Variants in ADAM2 observed in about 807,000 individuals in gnomAD.
The protein encoded by ADAM2 is ADAM metallopeptidase domain 2, also known as disintegrin and metalloproteinase domain-containing protein 2.
ADAM2 carries 101 observed loss-of-function variants against 99.3 expected under a neutral mutation model. The ratio of observed to expected loss-of-function variants is 1.02; its 90% CI spans 0.87 to 1.20. The LOEUF is 1.20. Ranked by LOEUF, ADAM2 falls within the 50% of genes most tolerant of loss-of-function variation. The probability of loss-of-function intolerance (pLI) is 0.00; values close to 1 mark genes in which losing one functional copy is unlikely to be tolerated. For synonymous variants in ADAM2, 323 were observed against 287.6 expected (o/e 1.12, Z -1.25); for missense variants, 948 against 878.7 (o/e 1.08, Z -1.00).
intron 16 of ADAM2, among the ~76,000 whole-genome samples, chr8:39,751,078 G>T (rs941142361): frequency 1.3e-5 from 2 of 152,090 alleles, no homozygotes; most frequent in Admixed American, 1.3e-4. Context: ...TATTGAGTAT[G>T]AAAAAATACA....
intron 10 of ADAM2, 92 bp downstream of exon 10, chr8:39,786,882 G>T: frequency 3.2e-6 from 3 of 943,576 alleles, no homozygotes; most frequent in Middle Eastern, 2.2e-4. Flanking sequence ...TTAGAACAAT[G>T]CAAATTTTAA....
At chr8:39,749,790 G>A in intron 16 of ADAM2, 46 bp from the exon 17 acceptor site, 2 of 1,490,528 alleles carry the variant, frequency 1.3e-6, no homozygotes, top group Non-Finnish European at 1.9e-6. Flanking sequence ...GCCATCTAGA[G>A]TTGCCATTTA....
chr8:39,811,430 GGCCAGCATCATCCTGATACCAA>G (rs1464686555), intron 6 of ADAM2, among the ~76,000 whole-genome samples: 1 of 152,124 alleles, frequency 6.6e-6, no homozygotes, highest in Non-Finnish European at 1.5e-5. Context: ...CATTTTATGA[GGCCAGCATCATCCTGATACCAA>G]AGCCTGGGGC....
At chr8:39,760,515 A>T (rs1802309229) in intron 15 of ADAM2, among the ~76,000 whole-genome samples, 1 of 152,012 alleles carries the variant, frequency 6.6e-6, no homozygotes, top group Non-Finnish European at 1.5e-5. Flanking sequence ...AGGTCAGGAG[A>T]TCAAGACCAT....
At chr8:39,804,406 C>T (rs1239382580) in intron 7 of ADAM2, among the ~76,000 whole-genome samples, 2 of 150,110 alleles carry the variant, frequency 1.3e-5, no homozygotes, top group African/African-American at 4.9e-5. Context: ...AAGGACAATG[C>T]AAAAATTGAA....
chr8:39,747,286 C>T (rs1166408153), intron 18 of ADAM2, among the ~76,000 whole-genome samples: 1 of 152,134 alleles, frequency 6.6e-6, no homozygotes, highest in Non-Finnish European at 1.5e-5. Flanking sequence ...AATATAATTC[C>T]TTGAATTTCT....
In ADAM2 at chr8:39,767,057, G is replaced by A. The variant is rs530591142; in HGVS notation, c.1312-14C>T. The A allele has an allele frequency of 2.5e-6, 4 of 1,610,578 alleles. No homozygotes were observed. Among genetic ancestry groups the A allele is most frequent in the East Asian group, 2.2e-5 (1 of 44,804 alleles). On this transcript the variant is annotated splice_polypyrimidine_tract_variant and intron_variant, in intron 13 of 20. Coordinates refer to ENST00000265708, the MANE Select transcript of ADAM2 (RefSeq NM_001464.5). ...TTTTGACATAAACTGATGGGATGAG[G>A]TAAATGATATTGAATTAAGCAGAAT...
intron 3 of ADAM2, among the ~76,000 whole-genome samples, chr8:39,830,899 C>T (rs576325670): frequency 6.6e-5 from 10 of 152,194 alleles, no homozygotes; most frequent in Admixed American, 5.2e-4. Flanking sequence ...ATGATCAGGC[C>T]ACAAGGCTGG....
rs117484596 is a variant in ADAM2 at position 39,834,972 on chromosome 8, A to G, written c.133-973T>C. Among the ~76,000 whole-genome samples, 664 of 152,230 alleles carry G rather than the reference A, an allele frequency of 4.4e-3. 12 individuals carry two copies. The East Asian group carries it at 0.073, about 17-fold the overall frequency. ...GATTCCTTGTTCTTGCAAGGACACC[A>G]GTCATATGGTATTAGAGCTGTAACT... On this transcript the variant is annotated intron_variant, in intron 2 of 20. Coordinates refer to ENST00000265708, the MANE Select transcript of ADAM2 (RefSeq NM_001464.5).
intron 14 of ADAM2, among the ~76,000 whole-genome samples, chr8:39,764,340 T>C (rs1406018322): frequency 6.6e-6 from 1 of 152,050 alleles, no homozygotes; most frequent in African/African-American, 2.4e-5. Context: ...ACCTTGGGAG[T>C]TGGAGGCTGC....
intron 4 of ADAM2, among the ~76,000 whole-genome samples, chr8:39,824,237 C>T (rs890412964): frequency 3.4e-5 from 5 of 145,860 alleles, no homozygotes; most frequent in African/African-American, 5.1e-5. Context: ...GAGCTGAGAT[C>T]GCGCCATTGC....
chr8:39,794,349 G>T (rs1434556515), intron 7 of ADAM2, among the ~76,000 whole-genome samples: 1 of 152,116 alleles, frequency 6.6e-6, no homozygotes, highest in Non-Finnish European at 1.5e-5. Context: ...ATATGGGAAT[G>T]AATTCAAATG....
At chr8:39,826,548 C>G (rs1272762647) in intron 3 of ADAM2, among the ~76,000 whole-genome samples, 1 of 151,674 alleles carries the variant, frequency 6.6e-6, no homozygotes, top group African/African-American at 2.4e-5. Context: ...ATGGTGAAAC[C>G]CCGACTCTAC....
At chr8:39,768,088 A>G (rs1237501819) in intron 12 of ADAM2, among the ~76,000 whole-genome samples, 1 of 152,120 alleles carries the variant, frequency 6.6e-6, no homozygotes, top group South Asian at 2.1e-4. Flanking sequence ...TATTCTAAGA[A>G]TTGTCACTGT....
chr8:39,810,310 C>T (rs1258096791), intron 6 of ADAM2, among the ~76,000 whole-genome samples: 2 of 152,182 alleles, frequency 1.3e-5, no homozygotes, highest in East Asian at 1.9e-4. Context: ...TACAAAGAGA[C>T]TTAGACTCCC....
At chr8:39,815,799 A>ATT (rs1804916576) in intron 6 of ADAM2, among the ~76,000 whole-genome samples, 1 of 152,176 alleles carries the variant, frequency 6.6e-6, no homozygotes, top group South Asian at 2.1e-4. Flanking sequence ...GAATGAGAAA[A>ATT]GATATGAATT....
intron 7 of ADAM2, among the ~76,000 whole-genome samples, chr8:39,791,263 T>C (rs1358011863): frequency 6.6e-6 from 1 of 152,002 alleles, no homozygotes; most frequent in African/African-American, 2.4e-5. Flanking sequence ...TAAGTTAGCA[T>C]AGTAAGAATG....
Position 39,777,162 on chromosome 8 carries a change from C to A in ADAM2, c.892-1G>T. 1.9e-6 allele frequency: 3 copies of A among 1,587,108 alleles called. No individual in the cohort carries two copies. The highest frequency in any genetic ancestry group is 1.9e-5 in the Admixed American group (1 of 53,716). ...ATTCCAGACTTATGGTTCTGGGGTG[C>A]TGAGAAAAAAAAATAGATGTACACG... On this transcript the variant is annotated splice_acceptor_variant, in intron 10 of 20. Coordinates refer to ENST00000265708, the MANE Select transcript of ADAM2 (RefSeq NM_001464.5). LOFTEE classifies it high-confidence loss of function.
chr8:39,820,239 C>A (rs1038700716), intron 6 of ADAM2, among the ~76,000 whole-genome samples: 7 of 152,140 alleles, frequency 4.6e-5, no homozygotes, highest in African/African-American at 1.7e-4. Flanking sequence ...GAATTACCAT[C>A]TCAAGTGATG....
Sources: allele counts gnomAD v4.1 joint callset (sites outside exome capture counted in the v4.1 genomes callset), GRCh38; gene constraint gnomAD v4.1.1; transcripts MANE v1.5; gene names NCBI Gene and HGNC (gene_info 2026-07-23, HGNC 2026-07-21).